The following BAZ2B variants were observed in gnomAD, a reference collection of about 807,000 sequenced individuals.
BAZ2B encodes bromodomain adjacent to zinc finger domain protein 2B.
In BAZ2B, 91 loss-of-function variants were observed where a neutral mutation model predicts 246.0. That is an observed-to-expected ratio of 0.37 (90% CI 0.31 to 0.44). The LOEUF (loss-of-function observed/expected upper bound fraction) is 0.44, where lower values mean the gene tolerates loss of function less well. Ranked by LOEUF, BAZ2B falls within the 20% of genes least tolerant of loss-of-function variation. The pLI is 1.00. For synonymous variants in BAZ2B, 855 were observed against 860.0 expected (o/e 0.99, Z 0.10); for missense variants, 2,332 against 2,533.7 (o/e 0.92, Z 1.71).
At chr2:159,606,857 T>G (rs796356810) in intron 1 of BAZ2B, among the ~76,000 whole-genome samples, 1 of 152,156 alleles carries the variant, frequency 6.6e-6, no homozygotes, top group African/African-American at 2.4e-5. Flanking sequence ...AGATCTTTCA[T>G]ACATTTGTGT....
chr2:159,384,281 T>C (rs1230355044), intron 23 of BAZ2B, among the ~76,000 whole-genome samples: 1 of 152,094 alleles, frequency 6.6e-6, no homozygotes, highest in Non-Finnish European at 1.5e-5. Context: ...CTATTTGTTA[T>C]CATGCTCATG....
rs199627830 is a variant in BAZ2B at position 159,350,737 on chromosome 2, A to AT, written c.4214-381dup. 9.9e-3 allele frequency among the ~76,000 whole-genome samples: 1,507 copies of AT among 152,084 alleles called. 21 individuals carry two copies. The highest frequency in any genetic ancestry group is 0.034 in the African/African-American group (1,399 of 41,492). On this transcript the variant is annotated intron_variant, in intron 27 of 36. Coordinates refer to ENST00000392783, the MANE Select transcript of BAZ2B (RefSeq NM_013450.4). ...AAAGGTGCACCACCATGCCTGGCTA[A>AT]TTTTTTTGTATTTTTAGTAGAAACA...
intron 2 of BAZ2B, among the ~76,000 whole-genome samples, chr2:159,527,436 G>A (rs923013626): frequency 5.0e-4 from 75 of 150,848 alleles, no homozygotes; most frequent in African/African-American, 1.8e-3. Flanking sequence ...ATTTTGCAAA[G>A]CAAATGTTTT....
intron 9 of BAZ2B, among the ~76,000 whole-genome samples, chr2:159,432,164 C>T (rs1005827031): frequency 2.0e-5 from 3 of 151,772 alleles, no homozygotes; most frequent in East Asian, 1.9e-4. Flanking sequence ...TTTTTGTATT[C>T]GCAATTTAAG....
intron 1 of BAZ2B, among the ~76,000 whole-genome samples, chr2:159,582,326 C>G (rs979956077): frequency 2.0e-5 from 3 of 152,192 alleles, no homozygotes; most frequent in African/African-American, 7.2e-5. Flanking sequence ...TATGAATGGA[C>G]AGATTTGAGT....
intron 2 of BAZ2B, among the ~76,000 whole-genome samples, chr2:159,551,285 T>C (rs113732288): frequency 0.022 from 3,375 of 152,002 alleles, 118 homozygotes; most frequent in African/African-American, 0.076. Flanking sequence ...CTGGCTAACA[T>C]GGTGAAACCC....
chr2:159,701,727 A>G, the BAZ2B span, among the ~76,000 whole-genome samples: 1 of 148,082 alleles, frequency 6.8e-6, no homozygotes, highest in East Asian at 1.9e-4. Context: ...ATAATATATT[A>G]CATATTATAT....
At position 159,348,792 on chromosome 2, in the gene BAZ2B, G is replaced by C; in HGVS notation, c.5179C>G (p.Leu1727Val). ...GWWRIIDPED[L>V]KALLKVLHLR... ...TGCAGCACTTTGAGCAAAGCTTTTA[G>C]GTCCTCTGGGTCAATAATTCTCCAC... The change falls in exon 30 of 37, where the codon CTA becomes GTA. Residue 1727 changes from leucine (L) to valine (V), a missense_variant. By Grantham distance (32) the Leu-to-Val change is conservative. Around this residue, in one of 9 missense-constraint regions of BAZ2B, gnomAD observed 676 missense variants for 668.6 expected, o/e 1.01. Coordinates refer to ENST00000392783, the MANE Select transcript of BAZ2B (RefSeq NM_013450.4). 6.2e-7 allele frequency: 1 copy of C among 1,609,672 alleles called. No homozygotes were observed. The highest frequency in any genetic ancestry group is 8.5e-7 in the Non-Finnish European group (1 of 1,178,956).
At chr2:159,671,624 A>G in the BAZ2B span, among the ~76,000 whole-genome samples, 2 of 152,182 alleles carry the variant, frequency 1.3e-5, no homozygotes, top group East Asian at 3.8e-4. Context: ...CAGTCAATGA[A>G]TACGAACTCT....
chr2:159,349,651 T>C (rs2058350180), intron 28 of BAZ2B, 57 bp downstream of exon 28: 11 of 1,481,098 alleles, frequency 7.4e-6, no homozygotes, highest in Admixed American at 2.2e-5. Flanking sequence ...AAAATCTCCA[T>C]GGGGTCAAAG....
rs1414425823 is a variant in BAZ2B, at chr2:159,562,570, G to A, written c.-45-6705C>T. On this transcript the variant is annotated intron_variant, in intron 1 of 36. Transcript: ENST00000392783. ...CTATTGAAACATTCTTGAGGTTAATGTATATACACAATATCCAAAAGTGAA... is the reference window on the plus strand; with the variant it reads ...CTATTGAAACATTCTTGAGGTTAATATATATACACAATATCCAAAAGTGAA... Among the ~76,000 whole-genome samples, 6 of 152,252 alleles carry A rather than the reference G, an allele frequency of 3.9e-5. No individual in the cohort carries two copies. The South Asian group carries it at 1.0e-3, about 26-fold the overall frequency.
chr2:159,488,108 C>T (rs905979780), intron 2 of BAZ2B, among the ~76,000 whole-genome samples: 2 of 152,008 alleles, frequency 1.3e-5, no homozygotes, highest in African/African-American at 4.8e-5. Context: ...GAGTCTCACT[C>T]TGTTGCTCAG....
At chr2:159,634,997 T>C in the BAZ2B span, among the ~76,000 whole-genome samples, 1 of 152,192 alleles carries the variant, frequency 6.6e-6, no homozygotes, top group Non-Finnish European at 1.5e-5. Context: ...CAGGATTTTT[T>C]CAAATAGCAA....
At chr2:159,493,292 A>G (rs1410412595) in intron 2 of BAZ2B, among the ~76,000 whole-genome samples, 1 of 152,242 alleles carries the variant, frequency 6.6e-6, no homozygotes, top group African/African-American at 2.4e-5. Context: ...CACACTAGCC[A>G]TATTTTAAGT....
intron 36 of BAZ2B, among the ~76,000 whole-genome samples, chr2:159,321,284 G>A (rs180714874): frequency 1.8e-4 from 28 of 152,200 alleles, no homozygotes; most frequent in African/African-American, 6.7e-4. Flanking sequence ...CTAAAATAAT[G>A]TAACCATTAA....
At chr2:159,332,514 A>G (rs1166575641) in intron 34 of BAZ2B, 26 bp downstream of exon 34, 2 of 1,565,160 alleles carry the variant, frequency 1.3e-6, no homozygotes, top group South Asian at 2.4e-5. Flanking sequence ...AATAAAATGA[A>G]AAGTTTAGTT....
intron 2 of BAZ2B, among the ~76,000 whole-genome samples, chr2:159,487,724 C>A (rs2079993342): frequency 6.6e-6 from 1 of 151,318 alleles, no homozygotes. Flanking sequence ...AAGCAAACAA[C>A]CAGAAGAAAG....
intron 1 of BAZ2B, among the ~76,000 whole-genome samples, chr2:159,581,974 C>T (rs1192191443): frequency 6.6e-6 from 1 of 151,976 alleles, no homozygotes; most frequent in African/African-American, 2.4e-5. Flanking sequence ...ATGTAAATTA[C>T]AAGTTAATGG....
the BAZ2B span, among the ~76,000 whole-genome samples, chr2:159,660,989 G>A: frequency 2.0e-5 from 3 of 152,052 alleles, no homozygotes; most frequent in Non-Finnish European, 4.4e-5. Flanking sequence ...GATAAATTTT[G>A]ACTTATGAAT....
Sources: gnomAD v4.1 joint callset for allele counts (sites outside exome capture counted in the v4.1 genomes callset) on GRCh38, gnomAD v4.1.1 for gene constraint, gnomAD v4.1.1 regional missense constraint, MANE v1.5 for transcripts, NCBI Gene and HGNC (gene_info 2026-07-23, HGNC 2026-07-21) for gene names.